LRP1B: variants seen among roughly 807,000 people sequenced by gnomAD.
LRP1B encodes the protein low-density lipoprotein receptor-related protein 1B.
Under a neutral mutation model 556.6 loss-of-function variants are expected in LRP1B, and 217 were observed. That is an observed-to-expected ratio of 0.39 (90% CI 0.35 to 0.44). The LOEUF is 0.44. Among genes scored for constraint, LRP1B ranks in the 20% least tolerant of loss-of-function variants. The pLI is 1.00. For synonymous variants in LRP1B, 2,047 were observed against 1,865.8 expected, an observed-to-expected ratio of 1.10 and a Z score of -2.50; for missense variants, 5,053 against 5,620.8, an observed-to-expected ratio of 0.90 and a Z score of 3.23.
At chr2:141,740,652 C>T (rs930389864) in intron 2 of LRP1B, among the ~76,000 whole-genome samples, 1 of 152,058 alleles carries the variant, frequency 6.6e-6, no homozygotes, top group Non-Finnish European at 1.5e-5. Flanking sequence ...ACTATAGTCG[C>T]CCTGTTCTGC....
intron 2 of LRP1B, among the ~76,000 whole-genome samples, chr2:141,680,150 G>T (rs2105428190): frequency 6.6e-6 from 1 of 152,066 alleles, no homozygotes; most frequent in South Asian, 2.1e-4. Context: ...ATATATTAAA[G>T]ATATTTCATA....
At chr2:141,258,024 A>C (rs1684545474) in intron 3 of LRP1B, among the ~76,000 whole-genome samples, 1 of 152,228 alleles carries the variant, frequency 6.6e-6, no homozygotes, top group Non-Finnish European at 1.5e-5. Context: ...CGTCAAGCAT[A>C]GCCATTGGCT....
At chr2:140,662,608 A>G (rs1559039882) in intron 41 of LRP1B, among the ~76,000 whole-genome samples, 5 of 152,288 alleles carry the variant, frequency 3.3e-5, no homozygotes, top group Admixed American at 6.5e-5. Flanking sequence ...TTTCAGTGGT[A>G]AAAGAAGGCC....
At chr2:141,512,186 A>T (rs1443267815) in intron 2 of LRP1B, among the ~76,000 whole-genome samples, 1 of 152,146 alleles carries the variant, frequency 6.6e-6, no homozygotes, top group Non-Finnish European at 1.5e-5. Flanking sequence ...GGTAAAATTT[A>T]TCATGTTTAT....
chr2:141,587,491 A>G (rs923367774), intron 2 of LRP1B, among the ~76,000 whole-genome samples: 3 of 152,234 alleles, frequency 2.0e-5, no homozygotes, highest in Non-Finnish European at 4.4e-5. Flanking sequence ...CTAACTATAC[A>G]CCAAATAGAG....
intron 2 of LRP1B, among the ~76,000 whole-genome samples, chr2:141,742,008 A>G (rs1268745351): frequency 2.6e-5 from 4 of 152,162 alleles, no homozygotes; most frequent in Non-Finnish European, 4.4e-5. Context: ...TCTTCTGCAT[A>G]TGAATATCCA....
intron 82 of LRP1B, 37 bp downstream of exon 82, chr2:140,321,919 ATAAGGAT>A (rs746587366): frequency 3.2e-6 from 5 of 1,561,550 alleles, no homozygotes; most frequent in Non-Finnish European, 4.4e-6. Context: ...AAATTTTATG[ATAAGGAT>A]TAATTCATTA....
At chr2:140,767,217 A>C (rs1250694114) in intron 35 of LRP1B, among the ~76,000 whole-genome samples, 1 of 152,004 alleles carries the variant, frequency 6.6e-6, no homozygotes, top group Non-Finnish European at 1.5e-5. Context: ...GGATTTTAAT[A>C]GATTCTTGAA....
chr2:142,049,122 TA>T (rs1257169072), intron 1 of LRP1B, among the ~76,000 whole-genome samples: 2 of 151,970 alleles, frequency 1.3e-5, no homozygotes, highest in African/African-American at 2.4e-5. Context: ...AGTTGATTAC[TA>T]AAAAAAGGCC....
chr2:140,502,895 A>T (rs1432307551), intron 54 of LRP1B, 68 bp downstream of exon 54: 2 of 1,527,826 alleles, frequency 1.3e-6, no homozygotes. Context: ...ACTATACTAG[A>T]CAGAAAATCA....
chr2:140,250,648 C>T (rs1039526986), intron 86 of LRP1B, among the ~76,000 whole-genome samples: 2 of 151,262 alleles, frequency 1.3e-5, no homozygotes, highest in East Asian at 2.0e-4. Flanking sequence ...CCTTTATGTT[C>T]CAGACTAGAA....
intron 2 of LRP1B, among the ~76,000 whole-genome samples, chr2:141,580,190 A>G (rs1384632892): frequency 6.6e-6 from 1 of 152,176 alleles, no homozygotes; most frequent in African/African-American, 2.4e-5. Flanking sequence ...TAGATCTACA[A>G]AATGAGTCTT....
intron 11 of LRP1B, among the ~76,000 whole-genome samples, chr2:141,029,044 C>A (rs75924665): frequency 0.068 from 10,279 of 152,062 alleles, 488 homozygotes; most frequent in Non-Finnish European, 0.1. Context: ...CTAGGACTTA[C>A]AGAAGAGAGG....
chr2:141,303,321 C>T (rs1213609044), intron 3 of LRP1B, among the ~76,000 whole-genome samples: 1 of 152,004 alleles, frequency 6.6e-6, no homozygotes, highest in East Asian at 1.9e-4. Context: ...TTGAAATACA[C>T]AATACATTGT....
chr2:141,686,463 A>G (rs1421142322), intron 2 of LRP1B, among the ~76,000 whole-genome samples: 2 of 151,978 alleles, frequency 1.3e-5, no homozygotes, highest in African/African-American at 2.4e-5. Context: ...TTTACAGTAC[A>G]TATATTATTA....
chr2:141,313,016 G>A (rs1408966330), intron 3 of LRP1B, among the ~76,000 whole-genome samples: 1 of 151,916 alleles, frequency 6.6e-6, no homozygotes, highest in Non-Finnish European at 1.5e-5. Context: ...TCTGCTCTAG[G>A]TAACAGCTAA....
chr2:140,883,043 A>T (rs923361700), intron 25 of LRP1B, among the ~76,000 whole-genome samples: 7 of 152,200 alleles, frequency 4.6e-5, no homozygotes, highest in Non-Finnish European at 8.8e-5. Flanking sequence ...CATCTCCTTA[A>T]AAACAACTGA....
intron 2 of LRP1B, among the ~76,000 whole-genome samples, chr2:141,508,125 A>G (rs1461056438): frequency 6.6e-6 from 1 of 151,812 alleles, no homozygotes; most frequent in Non-Finnish European, 1.5e-5. Context: ...AAATTAAAAC[A>G]TAGCTCTAAT....
rs2105036422 is a variant in LRP1B at position 140,314,980 on chromosome 2, T to C, written c.12760A>G (p.Ser4254Gly). ...SGERCEVNHCSNYCQNGGTCV... is the reference protein window; with the variant it reads ...SGERCEVNHCGNYCQNGGTCV... Reference sequence around the variant, plus strand: ...GTTCCTCCATTCTGGCAGTAGTTGCTACAGTGGTTGACTTCACATCTTTCT... The same window carrying C: ...GTTCCTCCATTCTGGCAGTAGTTGCCACAGTGGTTGACTTCACATCTTTCT... Residue 4254 changes from serine (S) to glycine (G), a missense_variant, in exon 83 of 91, where the codon AGC becomes GGC. Physicochemically the swap from Ser to Gly is moderately conservative, Grantham distance 56. Coordinates refer to ENST00000389484, the MANE Select transcript of LRP1B (RefSeq NM_018557.3). 1.2e-6 allele frequency: 2 copies of C among 1,611,358 alleles called. No individual in the cohort carries two copies. The highest frequency in any genetic ancestry group is 1.7e-6 in the Non-Finnish European group (2 of 1,178,518).
Sources: allele counts gnomAD v4.1 joint callset (sites outside exome capture counted in the v4.1 genomes callset), GRCh38; gene constraint gnomAD v4.1.1; transcripts MANE v1.5; gene names NCBI Gene and HGNC (gene_info 2026-07-23, HGNC 2026-07-21).